Variants in CAMK2B observed in about 807,000 individuals in gnomAD.
CAMK2B encodes the protein calcium/calmodulin-dependent protein kinase type II subunit beta.
A neutral mutation model predicts 93.7 loss-of-function variants in CAMK2B; 27 were observed. That is an observed-to-expected ratio of 0.29 (90% CI 0.21 to 0.40). The LOEUF is 0.40. CAMK2B is among the 10% of genes least tolerant of loss of function. The pLI, the probability that CAMK2B is intolerant of heterozygous loss-of-function variation, is 1.00. For synonymous variants in CAMK2B, 374 were observed against 358.8 expected (o/e 1.04, Z -0.48); for missense variants, 568 against 895.8 (o/e 0.63, Z 4.67).
At chr7:44,222,092 AAC>A (rs1178322305) in intron 20 of CAMK2B, among the ~76,000 whole-genome samples, 1 of 152,090 alleles carries the variant, frequency 6.6e-6, no homozygotes, top group Non-Finnish European at 1.5e-5. Flanking sequence ...TCACACACAG[AAC>A]ACACATGCAC....
chr7:44,239,603 C>A lies in CAMK2B; in HGVS notation c.1007G>T (p.Gly336Val). 6.5e-7 allele frequency: 1 copy of A among 1,550,006 alleles called. No individual in the cohort carries two copies. The highest frequency in any genetic ancestry group is 8.7e-7 in the Non-Finnish European group (1 of 1,146,770). Residue 336 changes from glycine (G) to valine (V), a missense_variant, in exon 13 of 24, where the codon GGG becomes GTG. Transcript: ENST00000395749. ...GACACATCTACCTTGTTCCACCAGC[C>A]CCATGGTGGTGCCGGAGGCCGCGGT... ...MSTAASGTTM[G>V]LVEQAKSLLN...
intron 1 of CAMK2B, among the ~76,000 whole-genome samples, chr7:44,296,235 C>T (rs1406197499): frequency 1.3e-5 from 2 of 152,082 alleles, no homozygotes; most frequent in South Asian, 2.1e-4. Context: ...CATACAAGAA[C>T]AGGCGGGTGA....
chr7:44,307,125 G>A, intron 1 of CAMK2B, among the ~76,000 whole-genome samples: 1 of 132,878 alleles, frequency 7.5e-6, no homozygotes, highest in Non-Finnish European at 1.6e-5. Flanking sequence ...AGGAGGGTGT[G>A]AGCAGGGGGA....
chr7:44,219,949 C>T, intron 23 of CAMK2B, 111 bp downstream of exon 23: 2 of 723,272 alleles, frequency 2.8e-6, no homozygotes, highest in East Asian at 3.1e-5. Flanking sequence ...AGGGACTTCC[C>T]AGGCATGGCT....
chr7:44,294,702 C>T (rs1352271018), intron 1 of CAMK2B, among the ~76,000 whole-genome samples: 1 of 152,240 alleles, frequency 6.6e-6, no homozygotes, highest in Admixed American at 6.5e-5. Context: ...GCACCCTTCA[C>T]CACTTTGGTG....
intron 1 of CAMK2B, among the ~76,000 whole-genome samples, chr7:44,305,861 G>A (rs1170898189): frequency 2.0e-5 from 3 of 152,178 alleles, no homozygotes; most frequent in African/African-American, 7.2e-5. Context: ...GGATTCTTGC[G>A]AGCCAGCTGA....
chr7:44,228,697 T>C, intron 19 of CAMK2B, 99 bp downstream of exon 19: 1 of 1,167,416 alleles, frequency 8.6e-7, no homozygotes, highest in South Asian at 1.9e-5. Context: ...CGGGGCAGGG[T>C]AGCTGGGCCG....
intron 2 of CAMK2B, among the ~76,000 whole-genome samples, chr7:44,272,362 A>C (rs1562972561): frequency 6.6e-6 from 1 of 152,080 alleles, no homozygotes; most frequent in African/African-American, 2.4e-5. Context: ...CCTCCTGGGC[A>C]CCCAGCACCT....
intron 20 of CAMK2B, 39 bp downstream of exon 20, chr7:44,226,477 C>G (rs541864203): frequency 1.5e-6 from 2 of 1,374,828 alleles, no homozygotes; most frequent in East Asian, 5.8e-5. Flanking sequence ...CGAGCCCCTC[C>G]GGGCAGCCGC....
At chr7:44,322,821 T>TG (rs1796447685) in intron 1 of CAMK2B, among the ~76,000 whole-genome samples, 2 of 152,252 alleles carry the variant, frequency 1.3e-5, no homozygotes, top group Non-Finnish European at 2.9e-5. Context: ...TGAGCAGCTG[T>TG]GGGCCTGAGG....
intron 1 of CAMK2B, among the ~76,000 whole-genome samples, chr7:44,285,071 G>T (rs1008251293): frequency 1.3e-5 from 2 of 152,216 alleles, no homozygotes; most frequent in Admixed American, 6.5e-5. Context: ...CTGGCCTGCA[G>T]AGGAGCTCCT....
intron 1 of CAMK2B, chr7:44,324,963 C>T (rs1797112675): frequency 6.6e-6 from 1 of 151,928 alleles, no homozygotes; most frequent in African/African-American, 2.4e-5. Flanking sequence ...CCTCTGGGGC[C>T]GCAGCCGACC....
At chr7:44,277,034 T>G (rs10267738) in intron 2 of CAMK2B, among the ~76,000 whole-genome samples, 48,457 of 152,072 alleles carry the variant, frequency 0.32, 8,234 homozygotes, top group Non-Finnish European at 0.39. Flanking sequence ...CATGGGCCGC[T>G]AACCAGGGTC....
intron 1 of CAMK2B, among the ~76,000 whole-genome samples, chr7:44,320,303 C>A (rs1424931314): frequency 6.6e-6 from 1 of 152,052 alleles, no homozygotes; most frequent in Non-Finnish European, 1.5e-5. Flanking sequence ...AGGACAGGTG[C>A]CCAAAAGCCT....
At chr7:44,243,114 C>A in intron 8 of CAMK2B, 136 bp downstream of exon 8, 2 of 674,230 alleles carry the variant, frequency 3.0e-6, no homozygotes, top group Non-Finnish European at 5.1e-6. Flanking sequence ...CCTGCCAGGG[C>A]AGCTCAAGGG....
intron 13 of CAMK2B, among the ~76,000 whole-genome samples, chr7:44,238,508 T>C (rs557426325): frequency 6.6e-6 from 1 of 152,194 alleles, no homozygotes; most frequent in African/African-American, 2.4e-5. Context: ...TCTCCCGGGG[T>C]GCTGCCTGCT....
At chr7:44,306,203 C>T (rs1255222634) in intron 1 of CAMK2B, among the ~76,000 whole-genome samples, 1 of 151,050 alleles carries the variant, frequency 6.6e-6, no homozygotes, top group Non-Finnish European at 1.5e-5. Flanking sequence ...ACTGGGGGTT[C>T]TGAAAGCCAC....
chr7:44,234,045 G>A (rs2096603137), intron 15 of CAMK2B, among the ~76,000 whole-genome samples: 1 of 152,194 alleles, frequency 6.6e-6, no homozygotes, highest in South Asian at 2.1e-4. Context: ...GGTGGGGAGA[G>A]GGTATCTTCT....
intron 12 of CAMK2B, 30 bp from the exon 13 acceptor site, chr7:44,239,693 A>G: frequency 1.4e-6 from 1 of 696,436 alleles, no homozygotes; most frequent in Non-Finnish European, 2.3e-6. Context: ...GACGAGGGGA[A>G]GGGAGGGGTG....
Sources: allele counts gnomAD v4.1 joint callset (sites outside exome capture counted in the v4.1 genomes callset), GRCh38; gene constraint gnomAD v4.1.1; transcripts MANE v1.5; gene names NCBI Gene and HGNC (gene_info 2026-07-23, HGNC 2026-07-21).